The following MARK1 variants were observed in gnomAD, a reference collection of about 807,000 sequenced individuals.
MARK1 encodes serine/threonine-protein kinase MARK1.
MARK1 carries 40 observed loss-of-function variants against 96.3 expected under a neutral mutation model. The ratio of observed to expected loss-of-function variants is 0.42; its 90% CI spans 0.32 to 0.54. The LOEUF (loss-of-function observed/expected upper bound fraction) is 0.54. Among genes scored for constraint, MARK1 ranks in the 20% least tolerant of loss-of-function variants. MARK1 has a pLI of 0.16. For missense variants in MARK1, 719 were observed against 984.6 expected, an observed-to-expected ratio of 0.73 and a Z score of 3.61; for synonymous variants, 317 against 341.2, an observed-to-expected ratio of 0.93 and a Z score of 0.78.
intron 11 of MARK1, among the ~76,000 whole-genome samples, chr1:220,633,672 G>A (rs1667794374): frequency 6.6e-6 from 1 of 152,324 alleles, no homozygotes; most frequent in South Asian, 2.1e-4. Flanking sequence ...GACCCACCAA[G>A]GCAGGTCTGT....
At chr1:220,540,566 C>T (rs556563124) in intron 1 of MARK1, among the ~76,000 whole-genome samples, 6 of 152,244 alleles carry the variant, frequency 3.9e-5, no homozygotes, top group South Asian at 2.1e-4. Flanking sequence ...TTAACTATCA[C>T]GGTAAGTTAT....
At chr1:220,558,843 A>T (rs1662473128) in intron 1 of MARK1, among the ~76,000 whole-genome samples, 1 of 152,172 alleles carries the variant, frequency 6.6e-6, no homozygotes, top group African/African-American at 2.4e-5. Context: ...AGAGTCGTAT[A>T]CTCTCAAAAC....
intron 9 of MARK1, among the ~76,000 whole-genome samples, chr1:220,629,517 T>G (rs1667551024): frequency 6.6e-6 from 1 of 152,116 alleles, no homozygotes; most frequent in South Asian, 2.1e-4. Flanking sequence ...CTGTACTCAT[T>G]GAACAAATCC....
chr1:220,540,515 T>C (rs1661061651), intron 1 of MARK1, among the ~76,000 whole-genome samples: 4 of 152,368 alleles, frequency 2.6e-5, no homozygotes, highest in African/African-American at 9.6e-5. Context: ...TTTTGCCAGC[T>C]ATCTGAGCAT....
chr1:220,557,349 C>T (rs975014396), intron 1 of MARK1, among the ~76,000 whole-genome samples: 5 of 152,026 alleles, frequency 3.3e-5, no homozygotes, highest in Admixed American at 6.6e-5. Flanking sequence ...CCAAGGCGGG[C>T]GGATCACTTA....
chr1:220,631,203 A>T, intron 10 of MARK1, 69 bp downstream of exon 10: 13 of 1,001,606 alleles, frequency 1.3e-5, no homozygotes, highest in Non-Finnish European at 2.0e-5. Context: ...GTGTGCCAAA[A>T]TAGTGTTTAA....
Position 220,632,202 on chromosome 1 carries a change from C to A in MARK1, c.1011C>A (p.Asp337Glu). The A allele has an allele frequency of 7.2e-7, 1 of 1,385,868 alleles. No individual in the cohort carries two copies. Among genetic ancestry groups the A allele is most frequent in the Non-Finnish European group, 9.6e-7 (1 of 1,042,026 alleles). 85.8% of individuals were successfully genotyped at this position (1,385,868 alleles called of 1,614,324 possible). The stretch of plus-strand genomic sequence containing the variant: ...AATTTCTCTTTTTTAAATTTCTAGA[C>A]ATTATGGTCACCATGGGCTTTGCAC... ...DPDFNDTKRI[D>E]IMVTMGFARD... The change falls in exon 11 of 18, where the codon GAC becomes GAA. Residue 337 changes from aspartate (D) to glutamate (E), a missense_variant and splice_region_variant. Physicochemically the swap from Asp to Glu is conservative, Grantham distance 45. Coordinates refer to ENST00000366917, the MANE Select transcript of MARK1 (RefSeq NM_018650.5).
intron 13 of MARK1, among the ~76,000 whole-genome samples, chr1:220,650,120 C>T (rs750846408): frequency 6.6e-6 from 1 of 152,154 alleles, no homozygotes; most frequent in Non-Finnish European, 1.5e-5. Context: ...CTGGACATGC[C>T]TTTGATCCTG....
Position 220,635,932 on chromosome 1 carries a change from G to A in MARK1, c.1376G>A (p.Arg459Gln), listed in dbSNP as rs867755168. The A allele has an allele frequency of 9.9e-6, 16 of 1,610,344 alleles. No individual in the cohort carries two copies. Among genetic ancestry groups the A allele is most frequent in the Non-Finnish European group, 1.2e-5 (14 of 1,179,054 alleles). ...QKEEWDKDVA[R>Q]KLGSTTVGSK... is the part of the protein sequence containing the mutation. The stretch of plus-strand genomic sequence containing the variant: ...GAGGAGTGGGACAAAGATGTGGCTC[G>A]AAAACTTGGCAGCACAACAGTTGGA... The change falls in exon 13 of 18, where the codon CGA becomes CAA. Residue 459 changes from arginine to glutamine, a missense_variant. This residue lies in a region of MARK1 where 501 missense variants were observed against 588.3 expected (regional missense o/e 0.85). Transcript: ENST00000366917.
rs1430069208 is a variant in MARK1 at position 220,549,900 on chromosome 1, A to G, written c.51+21027A>G. Among the ~76,000 whole-genome samples the G allele has an allele frequency of 2.0e-5, 3 of 152,234 alleles. No homozygotes were observed. The East Asian group carries it at 5.8e-4, about 29-fold the overall frequency. ...TAGGCTTATATAATATACTTTTGTA[A>G]TAATAGATGTTCAGTAATGGTATCA... On this transcript the variant is annotated intron_variant, in intron 1 of 17. Coordinates refer to ENST00000366917, the MANE Select transcript of MARK1 (RefSeq NM_018650.5).
chr1:220,543,363 C>A (rs1406254053), intron 1 of MARK1, among the ~76,000 whole-genome samples: 1 of 152,178 alleles, frequency 6.6e-6, no homozygotes, highest in African/African-American at 2.4e-5. Flanking sequence ...TTTTGCTAAT[C>A]ACTGAAAAGT....
intron 16 of MARK1, among the ~76,000 whole-genome samples, chr1:220,655,400 A>G (rs1307266550): frequency 6.6e-6 from 1 of 152,166 alleles, no homozygotes; most frequent in East Asian, 1.9e-4. Flanking sequence ...CCACTTAGAT[A>G]CGTTATAGAC....
intron 1 of MARK1, among the ~76,000 whole-genome samples, chr1:220,561,272 C>A (rs143109335): frequency 6.6e-6 from 1 of 152,254 alleles, no homozygotes; most frequent in Non-Finnish European, 1.5e-5. Context: ...CAAGCTTGTC[C>A]AACCTGCAGC....
rs552357925 is a variant in MARK1, at chr1:220,654,826, C to T, written c.1988+1474C>T. ...GCATTGTGCAAAATATTTCTCTTAA[C>T]TGCAACAAAAATTTAGACTCTAGGG... is the stretch of plus-strand genomic sequence containing the variant. On this transcript the variant is annotated intron_variant, in intron 16 of 17. Transcript: ENST00000366917. This position sits in a 1 kb window ranked among gnomAD's most constrained non-coding sequence, Gnocchi z 4.0. Among the ~76,000 whole-genome samples the T allele has an allele frequency of 3.9e-4, 59 of 152,316 alleles. No homozygotes were observed. The highest frequency in any genetic ancestry group is 1.2e-3 in the South Asian group (6 of 4,830).
chr1:220,547,529 G>T (rs1661584425), intron 1 of MARK1, among the ~76,000 whole-genome samples: 1 of 152,034 alleles, frequency 6.6e-6, no homozygotes, highest in Non-Finnish European at 1.5e-5. Flanking sequence ...ATTCTGCTTT[G>T]TATGTACTTT....
At chr1:220,597,884 T>C (rs527301290) in intron 3 of MARK1, among the ~76,000 whole-genome samples, 1 of 152,346 alleles carries the variant, frequency 6.6e-6, no homozygotes, top group South Asian at 2.1e-4. Flanking sequence ...TTACTGAATC[T>C]TTCATTAAAA....
At chr1:220,642,189 G>A (rs1377342659) in intron 13 of MARK1, among the ~76,000 whole-genome samples, 2 of 152,310 alleles carry the variant, frequency 1.3e-5, no homozygotes, top group African/African-American at 2.4e-5. Flanking sequence ...CACTGACTTG[G>A]AATCCCCACT....
At chr1:220,534,210 T>C (rs1249631602) in intron 1 of MARK1, among the ~76,000 whole-genome samples, 1 of 152,116 alleles carries the variant, frequency 6.6e-6, no homozygotes, top group Non-Finnish European at 1.5e-5. Context: ...ATTTTGGGGG[T>C]ATATGTGTTA....
At chr1:220,608,163 G>T (rs2102936033) in intron 6 of MARK1, among the ~76,000 whole-genome samples, 1 of 152,264 alleles carries the variant, frequency 6.6e-6, no homozygotes, top group East Asian at 1.9e-4. Flanking sequence ...GGTAGAATTT[G>T]GCTGTTAATC....
Sources: gnomAD v4.1 joint callset for allele counts (sites outside exome capture counted in the v4.1 genomes callset) on GRCh38, gnomAD v4.1.1 for gene constraint, gnomAD v4.1.1 regional missense constraint, Gnocchi (gnomAD v3.1) non-coding constraint, MANE v1.5 for transcripts, NCBI Gene and HGNC (gene_info 2026-07-23, HGNC 2026-07-21) for gene names.